The following DLG2 variants were observed in gnomAD, a reference collection of about 807,000 sequenced individuals.
The protein encoded by DLG2 is discs large MAGUK scaffold protein 2, also known as disks large homolog 2.
Under a neutral mutation model 132.5 loss-of-function variants are expected in DLG2, and 45 were observed. The ratio of observed to expected loss-of-function variants is 0.34; its 90% CI spans 0.27 to 0.44. The LOEUF is 0.44. Among genes scored for constraint, DLG2 ranks in the 20% least tolerant of loss-of-function variants. DLG2 has a pLI of 1.00. For missense variants in DLG2, 1,045 were observed against 1,196.9 expected, an observed-to-expected ratio of 0.87 and a Z score of 1.87; for synonymous variants, 424 against 419.6, an observed-to-expected ratio of 1.01 and a Z score of -0.13.
chr11:84,146,452 A>G lies in DLG2; in HGVS notation c.624+17009T>C, dbSNP rs80312394. Among the ~76,000 whole-genome samples the G allele has an allele frequency of 3.8e-4, 58 of 152,288 alleles. No homozygotes were observed. In the East Asian group the frequency reaches 7.9e-3, roughly 21 times the overall value. On this transcript the variant is annotated intron_variant, in intron 9 of 27. Transcript: ENST00000376104. Reference sequence around the variant, plus strand: ...ATGCCTGTATCAAAACATCTCATGTACCCCATAAATATATACACCTACTAT... The same window carrying G: ...ATGCCTGTATCAAAACATCTCATGTGCCCCATAAATATATACACCTACTAT...
intron 6 of DLG2, among the ~76,000 whole-genome samples, chr11:84,841,740 G>A (rs1166820265): frequency 2.6e-5 from 4 of 151,796 alleles, no homozygotes; most frequent in African/African-American, 9.7e-5. Flanking sequence ...TATAATCAAA[G>A]TGCATATATC....
chr11:85,537,679 C>T (rs200416393), intron 3 of DLG2, among the ~76,000 whole-genome samples: 29 of 150,802 alleles, frequency 1.9e-4, no homozygotes, highest in Non-Finnish European at 3.5e-4. Context: ...CCAGATATGC[C>T]GCCTTTAAGA....
At chr11:84,551,356 T>A (rs938321282) in intron 6 of DLG2, among the ~76,000 whole-genome samples, 1 of 152,216 alleles carries the variant, frequency 6.6e-6, no homozygotes. Flanking sequence ...AATTGTAGAA[T>A]GTTATTTTGT....
chr11:84,583,590 G>A (rs2099521804), intron 6 of DLG2, among the ~76,000 whole-genome samples: 2 of 152,202 alleles, frequency 1.3e-5, no homozygotes. Flanking sequence ...TTGAAGCACA[G>A]TAATGAAATT....
At position 83,713,587 on chromosome 11, in the gene DLG2, T is replaced by G. The variant is rs546129951; in HGVS notation, c.1825+73103A>C. 9.1e-4 allele frequency among the ~76,000 whole-genome samples: 139 copies of G among 152,308 alleles called. 1 individual carries two copies. The highest frequency in any genetic ancestry group is 8.7e-3 in the South Asian group (42 of 4,830). ...GCAGAGAGTTGGGCTACTTGGAAACTCAGGGAAAGAGTGACATAAGGAATA... is the reference window on the plus strand; with the variant it reads ...GCAGAGAGTTGGGCTACTTGGAAACGCAGGGAAAGAGTGACATAAGGAATA... On this transcript the variant is annotated intron_variant, in intron 18 of 27. Coordinates refer to ENST00000376104, the MANE Select transcript of DLG2 (RefSeq NM_001142699.3).
intron 21 of DLG2, among the ~76,000 whole-genome samples, chr11:83,519,287 T>A (rs142174805): frequency 6.6e-6 from 1 of 152,298 alleles, no homozygotes; most frequent in Non-Finnish European, 1.5e-5. Flanking sequence ...ACAACCACGA[T>A]TACATTGTGG....
intron 6 of DLG2, among the ~76,000 whole-genome samples, chr11:84,735,302 C>A (rs1460966412): frequency 6.6e-6 from 1 of 151,998 alleles, no homozygotes; most frequent in African/African-American, 2.4e-5. Context: ...TTAATTATTG[C>A]CTCAATTTCA....
chr11:83,816,477 T>A (rs1419165398), intron 17 of DLG2, among the ~76,000 whole-genome samples: 1 of 152,162 alleles, frequency 6.6e-6, no homozygotes, highest in Non-Finnish European at 1.5e-5. Context: ...ACTAGCTTAA[T>A]GCCTCTGAAC....
intron 6 of DLG2, among the ~76,000 whole-genome samples, chr11:84,978,117 A>G (rs1328783071): frequency 3.3e-5 from 5 of 152,172 alleles, no homozygotes; most frequent in Non-Finnish European, 7.3e-5. Context: ...TACACTGAAA[A>G]TGTACTTCAA....
intron 10 of DLG2, among the ~76,000 whole-genome samples, chr11:84,090,590 G>A (rs2097074894): frequency 6.6e-6 from 1 of 152,106 alleles, no homozygotes; most frequent in African/African-American, 2.4e-5. Context: ...ATACGTGTAT[G>A]CCAAAATTAC....
rs111935122 is a variant in DLG2 at position 83,903,907 on chromosome 11, CTG to C, written c.1496+26419_1496+26420del. On this transcript the variant is annotated intron_variant, in intron 15 of 27. Coordinates refer to ENST00000376104, the MANE Select transcript of DLG2 (RefSeq NM_001142699.3). ...CAGGTGGTAATGGACCCTACAAATA[CTG>C]TGTTTTTTCCTATGCATACATATCT... Among the ~76,000 whole-genome samples, 639 of 152,262 alleles carry C rather than the reference CTG, an allele frequency of 4.2e-3. 6 individuals carry two copies. Among genetic ancestry groups the C allele is most frequent in the African/African-American group, 0.014 (580 of 41,560 alleles).
chr11:84,374,676 G>T (rs2098721967), intron 7 of DLG2, among the ~76,000 whole-genome samples: 1 of 151,978 alleles, frequency 6.6e-6, no homozygotes, highest in Admixed American at 6.6e-5. Flanking sequence ...ATCAACTCTG[G>T]CAACACCTTC....
At chr11:84,206,188 T>C (rs769451426) in intron 8 of DLG2, among the ~76,000 whole-genome samples, 9 of 152,090 alleles carry the variant, frequency 5.9e-5, no homozygotes, top group Non-Finnish European at 1.3e-4. Context: ...GAAAACTGTT[T>C]AGTCCTGTAT....
At chr11:84,492,279 G>T (rs1430947) in intron 7 of DLG2, among the ~76,000 whole-genome samples, 57,779 of 151,970 alleles carry the variant, frequency 0.38, 15,315 homozygotes, top group African/African-American at 0.76. Context: ...GATTTGATTT[G>T]TTTAACTACA....
intron 6 of DLG2, among the ~76,000 whole-genome samples, chr11:84,998,217 T>A (rs1303043397): frequency 6.6e-6 from 1 of 152,056 alleles, no homozygotes; most frequent in Non-Finnish European, 1.5e-5. Flanking sequence ...TCACCTTGAA[T>A]TGTAATCCCC....
intron 6 of DLG2, among the ~76,000 whole-genome samples, chr11:84,940,372 TG>T: frequency 6.6e-6 from 1 of 152,308 alleles, no homozygotes; most frequent in Middle Eastern, 3.4e-3. Context: ...AGGCTAGTCT[TG>T]AACTCCTGAC....
intron 3 of DLG2, among the ~76,000 whole-genome samples, chr11:85,383,610 T>C (rs1031104126): frequency 2.6e-5 from 4 of 152,176 alleles, no homozygotes; most frequent in African/African-American, 9.6e-5. Context: ...ACACGGTAAG[T>C]AGAGTGCTCA....
intron 5 of DLG2, among the ~76,000 whole-genome samples, chr11:85,116,323 T>C (rs1470173327): frequency 6.6e-6 from 1 of 151,760 alleles, no homozygotes; most frequent in Non-Finnish European, 1.5e-5. Flanking sequence ...AGTTAAAAAT[T>C]TTTTCAAAAA....
At chr11:85,537,705 G>A (rs1294892907) in intron 3 of DLG2, among the ~76,000 whole-genome samples, 1 of 150,996 alleles carries the variant, frequency 6.6e-6, no homozygotes, top group Non-Finnish European at 1.5e-5. Flanking sequence ...AACACTCACT[G>A]TGAAGGTCTG....
Sources: allele counts gnomAD v4.1 joint callset (sites outside exome capture counted in the v4.1 genomes callset), GRCh38; gene constraint gnomAD v4.1.1; transcripts MANE v1.5; gene names NCBI Gene and HGNC (gene_info 2026-07-23, HGNC 2026-07-21).